Variants in GPATCH11 observed in about 807,000 individuals in gnomAD.
GPATCH11 encodes G-patch domain containing 11.
Under a neutral mutation model 44.8 loss-of-function variants are expected in GPATCH11, and 32 were observed. That is an observed-to-expected ratio of 0.71 (90% confidence interval 0.54 to 0.96). The LOEUF (loss-of-function observed/expected upper bound fraction) is 0.96, where lower values mean the gene tolerates loss of function less well. Among genes scored for constraint, GPATCH11 ranks in the 40% least tolerant of loss-of-function variants. The probability of loss-of-function intolerance (pLI) is 0.00; values close to 1 mark genes in which losing one functional copy is unlikely to be tolerated. For synonymous variants in GPATCH11, 84 were observed against 94.4 expected (o/e 0.89, Z 0.64); for missense variants, 324 against 303.1 (o/e 1.07, Z -0.51).
rs1383495140 is a variant in GPATCH11, at chr2:37,097,975, ATATT to A, written c.*1716_*1719del. On this transcript the variant is annotated 3_prime_UTR_variant, in exon 9 of 9. Transcript: ENST00000674370. ...GAATGTAAATATGTGTATATATATA[ATATT>A]TATATGTTTGGATGCTATTGTTTAA... 1.6e-4 allele frequency: 24 copies of A among 152,254 alleles called. No homozygotes were observed. Among genetic ancestry groups the A allele is most frequent in the East Asian group, 3.9e-4 (2 of 5,184 alleles). The allele number at this position is 152,254 out of a possible 1,614,324, so 9.4% of individuals were successfully genotyped here.
intron 4 of GPATCH11, 81 bp downstream of exon 4, chr2:37,090,803 CT>C (rs201403331): frequency 8.0e-5 from 56 of 701,878 alleles, no homozygotes; most frequent in Admixed American, 1.7e-4. Context: ...TCAATAAATA[CT>C]TTTTTTTAAA....
At chr2:37,090,375 C>T (rs908085053) in intron 3 of GPATCH11, among the ~76,000 whole-genome samples, 1 of 152,152 alleles carries the variant, frequency 6.6e-6, no homozygotes, top group Admixed American at 6.5e-5. Context: ...TTTCCTTTAT[C>T]GTAATTGCTT....
At chr2:37,090,346 C>T (rs2148640112) in intron 3 of GPATCH11, among the ~76,000 whole-genome samples, 1 of 152,260 alleles carries the variant, frequency 6.6e-6, no homozygotes, top group South Asian at 2.1e-4. Context: ...TTTATAGTAA[C>T]CTCTGTAAAC....
intron 7 of GPATCH11, among the ~76,000 whole-genome samples, chr2:37,094,943 A>C (rs79101993): frequency 7.1e-6 from 1 of 140,202 alleles, no homozygotes; most frequent in Non-Finnish European, 1.6e-5. Context: ...CCTGTCTCAC[A>C]AAAAAAAAAA....
chr2:37,084,597 G>T, intron 1 of GPATCH11, 27 bp downstream of exon 1: 5 of 1,227,098 alleles, frequency 4.1e-6, no homozygotes, highest in Non-Finnish European at 5.1e-6. Flanking sequence ...GTAAGGGTCT[G>T]GGGACAACCG....
In GPATCH11 at chr2:37,089,843, G is replaced by T; in HGVS notation, c.263G>T (p.Ser88Ile). 1 of 1,551,536 alleles carries T rather than the reference G, an allele frequency of 6.4e-7. No individual in the cohort carries two copies. The highest frequency in any genetic ancestry group is 8.7e-7 in the Non-Finnish European group (1 of 1,146,946). The change falls in exon 3 of 9, where the codon AGT becomes ATT. Residue 88 changes from serine to isoleucine, a missense_variant. Ser to Ile is a moderately radical substitution (Grantham distance 142). Transcript: ENST00000674370. ...TTGCTCCAAAAGATGGGCTATAAAA[G>T]TGGTCAGGCACTTGGCAAGAGTGGT... ...FALLQKMGYK[S>I]GQALGKSGGG...
rs1214395262 is a variant in GPATCH11 at position 37,097,859 on chromosome 2, T to C, written c.*1596T>C. 1 of 152,214 alleles carries C rather than the reference T, an allele frequency of 6.6e-6. No homozygotes were observed. The highest frequency in any genetic ancestry group is 2.4e-5 in the African/African-American group (1 of 41,458). The allele number at this position is 152,214 out of a possible 1,614,324, so 9.4% of individuals were successfully genotyped here. ...CACTGTGACTTGGGCATCACTGCCCTTGATTCTAAAATGCAGCCTACCTTG... is the reference window on the plus strand; with the variant it reads ...CACTGTGACTTGGGCATCACTGCCCCTGATTCTAAAATGCAGCCTACCTTG... On this transcript the variant is annotated 3_prime_UTR_variant, in exon 9 of 9. Coordinates refer to ENST00000674370, the MANE Select transcript of GPATCH11 (RefSeq NM_174931.4).
chr2:37,087,723 G>A (rs1314236804), intron 1 of GPATCH11, among the ~76,000 whole-genome samples: 1 of 152,174 alleles, frequency 6.6e-6, no homozygotes, highest in Non-Finnish European at 1.5e-5. Flanking sequence ...GGCCTACAGG[G>A]AAGAAATGTT....
chr2:37,088,462 G>T (rs367835718), intron 2 of GPATCH11, 22 bp downstream of exon 2: 1 of 1,180,152 alleles, frequency 8.5e-7, no homozygotes, highest in South Asian at 1.3e-5. Context: ...TGCACACCCA[G>T]TGCAATGATA....
chr2:37,089,574 TAAAAA>T lies in GPATCH11; in HGVS notation c.60-55_60-51del, dbSNP rs371385606. On this transcript the variant is annotated intron_variant, in intron 2 of 8. Transcript: ENST00000674370. ...AAGAGCGAAACTCCGTCTCAAAAAA[TAAAAA>T]AAAAAAAAAAGAAAAGAAAACTTTA... The T allele has an allele frequency of 1.1e-5, 11 of 960,858 alleles. No individual in the cohort carries two copies. In the South Asian group the frequency reaches 1.5e-4, roughly 13 times the overall value. 59.5% of individuals were successfully genotyped at this position (960,858 alleles called of 1,614,324 possible).
In GPATCH11 at chr2:37,095,497, T is replaced by C. The variant is rs1673531506; in HGVS notation, c.715T>C (p.Trp239Arg). 6.2e-7 allele frequency: 1 copy of C among 1,605,062 alleles called. No individual in the cohort carries two copies. The change falls in exon 8 of 9, where the codon TGG (tryptophan) becomes CGG (arginine). Residue 239 changes from tryptophan (W) to arginine (R), a missense_variant. Trp to Arg is a moderately radical substitution (Grantham distance 101, BLOSUM62 -3). Coordinates refer to ENST00000674370, the MANE Select transcript of GPATCH11 (RefSeq NM_174931.4). ...YLREEHLYCIWCGTAYEDKED... is the reference protein window; with the variant it reads ...YLREEHLYCIRCGTAYEDKED... ...AAGAGAAGAACATCTATATTGTATT[T>C]GGTGTGGAACAGCCTATGAAGGTAA... is the stretch of plus-strand genomic sequence containing the variant.
chr2:37,089,493 G>A, intron 2 of GPATCH11, 147 bp from the exon 3 acceptor site: 1 of 628,298 alleles, frequency 1.6e-6, no homozygotes. Flanking sequence ...GTTGAACCCA[G>A]GAGGCGGAGG....
intron 1 of GPATCH11, among the ~76,000 whole-genome samples, chr2:37,086,707 G>A (rs1170562958): frequency 6.6e-6 from 1 of 152,206 alleles, no homozygotes; most frequent in East Asian, 1.9e-4. Flanking sequence ...GCTGAGGCAT[G>A]AGAATTGCTT....
At chr2:37,089,919 A>G in intron 3 of GPATCH11, 53 bp downstream of exon 3, 1 of 1,244,446 alleles carries the variant, frequency 8.0e-7, no homozygotes, top group Non-Finnish European at 1.1e-6. Context: ...ATTGTGACTT[A>G]TGGATAAGGA....
chr2:37,087,398 T>C (rs1401828944), intron 1 of GPATCH11, among the ~76,000 whole-genome samples: 2 of 152,212 alleles, frequency 1.3e-5, no homozygotes, highest in African/African-American at 4.8e-5. Flanking sequence ...AACATTGACA[T>C]TGCCTGTGAA....
chr2:37,086,075 G>T (rs868103979), intron 1 of GPATCH11, among the ~76,000 whole-genome samples: 4 of 152,192 alleles, frequency 2.6e-5, no homozygotes, highest in Non-Finnish European at 5.9e-5. Flanking sequence ...AAGAGCTGCA[G>T]TTATGACCAA....
chr2:37,084,648 G>T, intron 1 of GPATCH11, 78 bp downstream of exon 1: 1 of 1,122,788 alleles, frequency 8.9e-7, no homozygotes, highest in Non-Finnish European at 1.1e-6. Context: ...CATGACTACC[G>T]TATCACACCG....
rs191489945 is a variant in GPATCH11, at chr2:37,094,882, G to A, written c.655-555G>A. On this transcript the variant is annotated intron_variant, in intron 7 of 8. Transcript: ENST00000674370. ...CGTGAGCCCGGGAGGCAGAGGTTGC[G>A]GTGAGCCAAGATCACGCCACTGCAC... Among the ~76,000 whole-genome samples the A allele has an allele frequency of 1.2e-4, 18 of 151,482 alleles. No homozygotes were observed. In the East Asian group the frequency reaches 3.1e-3, roughly 26 times the overall value.
chr2:37,085,046 C>CT (rs2148628196), intron 1 of GPATCH11, among the ~76,000 whole-genome samples: 1 of 152,282 alleles, frequency 6.6e-6, no homozygotes, highest in East Asian at 1.9e-4. Flanking sequence ...ACTTGCATTG[C>CT]TATCACTCTG....
Sources: allele counts gnomAD v4.1 joint callset (sites outside exome capture counted in the v4.1 genomes callset), GRCh38; gene constraint gnomAD v4.1.1; transcripts MANE v1.5; gene names NCBI Gene and HGNC (gene_info 2026-07-23, HGNC 2026-07-21).